RAP1GAP2: variants seen among roughly 807,000 people sequenced by gnomAD.
RAP1GAP2 encodes the protein RAP1 GTPase activating protein 2, also known as rap1 GTPase-activating protein 2.
In RAP1GAP2, 27 loss-of-function variants were observed where a neutral mutation model predicts 95.0. That is an observed-to-expected ratio of 0.28 (90% CI 0.21 to 0.39). RAP1GAP2 has a LOEUF of 0.39. Among genes scored for constraint, RAP1GAP2 ranks in the 10% least tolerant of loss-of-function variants. The probability of loss-of-function intolerance (pLI) is 1.00; values close to 1 mark genes in which losing one functional copy is unlikely to be tolerated. For synonymous variants in RAP1GAP2, 373 were observed against 380.9 expected, an observed-to-expected ratio of 0.98 and a Z score of 0.24; for missense variants, 771 against 970.0, an observed-to-expected ratio of 0.79 and a Z score of 2.72.
intron 3 of RAP1GAP2, among the ~76,000 whole-genome samples, chr17:2,931,774 A>T (rs1165534796): frequency 6.6e-6 from 1 of 152,236 alleles, no homozygotes; most frequent in Non-Finnish European, 1.5e-5. Flanking sequence ...CTTGCAGGTC[A>T]GCCTGAAATG....
chr17:2,778,688 A>G (rs1014397136), intron 1 of RAP1GAP2, among the ~76,000 whole-genome samples: 3 of 152,186 alleles, frequency 2.0e-5, no homozygotes, highest in Non-Finnish European at 4.4e-5. Flanking sequence ...CGTAAGTCCC[A>G]GCTCCATCAC....
intron 2 of RAP1GAP2, among the ~76,000 whole-genome samples, chr17:2,876,950 G>A (rs1473011259): frequency 2.0e-5 from 3 of 149,408 alleles, no homozygotes; most frequent in Non-Finnish European, 4.4e-5. Context: ...GTGCAGTGGC[G>A]TGATCTTGGC....
At chr17:3,023,304 C>T (rs1487537715) in intron 19 of RAP1GAP2, among the ~76,000 whole-genome samples, 1 of 152,214 alleles carries the variant, frequency 6.6e-6, no homozygotes, top group Non-Finnish European at 1.5e-5. Flanking sequence ...TTTATTTCAG[C>T]AGCCAGCATT....
rs1241709326 is a variant in RAP1GAP2 at position 2,998,329 on chromosome 17, A to G, written c.1153A>G (p.Ile385Val). Residue 385 changes from isoleucine (I) to valine (V), a missense_variant, in exon 14 of 25, where the codon ATC becomes GTC. Coordinates refer to ENST00000254695, the MANE Select transcript of RAP1GAP2 (RefSeq NM_015085.5). ...MIASNFLHAYIVVQVETPGTE... is the reference protein window; with the variant it reads ...MIASNFLHAYVVVQVETPGTE... Reference sequence around the variant, plus strand: ...AGCCTCCAATTTCTTACATGCCTACATCGTCGTGCAGGTCGAGACCCCAGG... The same window carrying G: ...AGCCTCCAATTTCTTACATGCCTACGTCGTCGTGCAGGTCGAGACCCCAGG... 11 of 1,613,932 alleles carry G rather than the reference A, an allele frequency of 6.8e-6. No individual in the cohort carries two copies. The highest frequency in any genetic ancestry group is 1.3e-5 in the African/African-American group (1 of 74,936).
chr17:2,808,037 G>A (rs2069596100), intron 2 of RAP1GAP2, among the ~76,000 whole-genome samples: 2 of 152,166 alleles, frequency 1.3e-5, no homozygotes, highest in Admixed American at 6.5e-5. Context: ...GGTAACCTGG[G>A]GATCCAACCT....
At chr17:2,759,643 G>A (rs2071208448) in intron 1 of RAP1GAP2, among the ~76,000 whole-genome samples, 1 of 152,040 alleles carries the variant, frequency 6.6e-6, no homozygotes, top group South Asian at 2.1e-4. Context: ...TAGAGATGGG[G>A]TTTCACCATG....
chr17:2,929,427 A>G (rs2043070632), intron 3 of RAP1GAP2, among the ~76,000 whole-genome samples: 1 of 152,046 alleles, frequency 6.6e-6, no homozygotes, highest in Non-Finnish European at 1.5e-5. Flanking sequence ...ATTAAGAGGA[A>G]GGGGCGCTCC....
chr17:2,943,688 C>G (rs867922587), intron 3 of RAP1GAP2, among the ~76,000 whole-genome samples: 5,285 of 147,068 alleles, frequency 0.036, 296 homozygotes, highest in African/African-American at 0.12. Context: ...CAAAAAAAAA[C>G]AAACAAAAAC....
At chr17:2,824,759 A>G (rs888825832) in intron 2 of RAP1GAP2, among the ~76,000 whole-genome samples, 11 of 151,716 alleles carry the variant, frequency 7.3e-5, no homozygotes, top group African/African-American at 2.4e-4. Context: ...AAAAAAAAAA[A>G]AAAAGAAATA....
In RAP1GAP2 at chr17:2,857,641, A is replaced by G. The variant is rs549547731; in HGVS notation, c.81-47643A>G. On this transcript the variant is annotated intron_variant, in intron 2 of 24. Transcript: ENST00000254695. The surrounding 1 kb of genome is among the most constrained non-coding windows in gnomAD (Gnocchi z 4.0). ...GGGATTGGGTTTGAGTATGGCTCCC[A>G]GGAGACACCTGGATGAAGCCTTCCT... Among the ~76,000 whole-genome samples, 1 of 152,296 alleles carries G rather than the reference A, an allele frequency of 6.6e-6. No homozygotes were observed. The highest frequency in any genetic ancestry group is 1.9e-4 in the East Asian group (1 of 5,184).
chr17:2,955,029 GA>G (rs2044060693), intron 3 of RAP1GAP2, among the ~76,000 whole-genome samples: 1 of 152,188 alleles, frequency 6.6e-6, no homozygotes, highest in South Asian at 2.1e-4. Context: ...TTCGTCAGTT[GA>G]TGGACATTTG....
chr17:2,926,297 G>A (rs535486461), intron 3 of RAP1GAP2, among the ~76,000 whole-genome samples: 5 of 152,262 alleles, frequency 3.3e-5, no homozygotes, highest in Admixed American at 6.5e-5. Flanking sequence ...CAGCGCCCAC[G>A]TCCTCTTCAC....
At chr17:2,939,337 G>A (rs957493617) in intron 3 of RAP1GAP2, among the ~76,000 whole-genome samples, 2 of 152,210 alleles carry the variant, frequency 1.3e-5, no homozygotes, top group African/African-American at 2.4e-5. Flanking sequence ...TGATCCACCC[G>A]CCTCGGCCTC....
chr17:2,911,462 G>T (rs1049055861), intron 3 of RAP1GAP2, among the ~76,000 whole-genome samples: 2 of 151,724 alleles, frequency 1.3e-5, no homozygotes, highest in Non-Finnish European at 2.9e-5. Context: ...TGATTTTCAT[G>T]CCCCAATGGA....
chr17:2,904,155 G>A lies in RAP1GAP2; in HGVS notation c.81-1129G>A, dbSNP rs1223712722. On this transcript the variant is annotated intron_variant, in intron 2 of 24. Coordinates refer to ENST00000254695, the MANE Select transcript of RAP1GAP2 (RefSeq NM_015085.5). The surrounding 1 kb of genome is among the most constrained non-coding windows in gnomAD (Gnocchi z 4.7). ...CCCGGCCCTCTTCGGCTTTTAATAC[G>A]GTTCTCCCAGCCCCCTCGTCCCCTC... Among the ~76,000 whole-genome samples, 2 of 152,098 alleles carry A rather than the reference G, an allele frequency of 1.3e-5. No individual in the cohort carries two copies. Among genetic ancestry groups the A allele is most frequent in the Non-Finnish European group, 2.9e-5 (2 of 68,014 alleles).
intron 4 of RAP1GAP2, among the ~76,000 whole-genome samples, chr17:2,960,131 A>AAAAAC (rs1203787635): frequency 3.9e-4 from 59 of 151,440 alleles, no homozygotes; most frequent in Middle Eastern, 3.4e-3. Flanking sequence ...CTCAAAAAAA[A>AAAAAC]AAAAAAAAAA....
intron 2 of RAP1GAP2, among the ~76,000 whole-genome samples, chr17:2,838,443 C>A (rs556082725): frequency 6.6e-6 from 1 of 152,200 alleles, no homozygotes; most frequent in South Asian, 2.1e-4. Flanking sequence ...TCTTCTGCTC[C>A]AGGGTGAGCA....
intron 3 of RAP1GAP2, among the ~76,000 whole-genome samples, chr17:2,956,074 C>T (rs1174761919): frequency 6.6e-6 from 1 of 152,148 alleles, no homozygotes; most frequent in African/African-American, 2.4e-5. Context: ...TCTTTCTATC[C>T]GTATTGATTG....
rs1345203038 is a variant in RAP1GAP2 at position 2,963,485 on chromosome 17, C to T, written c.279+23C>T. ...GAGGTAGGTGCCCTCCCCTCACTCC[C>T]ACCTGCCCTGCAGCCTGCTCTGGGT... On this transcript the variant is annotated intron_variant, in intron 6 of 24. Coordinates refer to ENST00000254695, the MANE Select transcript of RAP1GAP2 (RefSeq NM_015085.5). The surrounding 1 kb of genome is among the most constrained non-coding windows in gnomAD (Gnocchi z 4.8). The T allele has an allele frequency of 6.2e-7, 1 of 1,613,640 alleles. No individual in the cohort carries two copies. Among genetic ancestry groups the T allele is most frequent in the Admixed American group, 1.7e-5 (1 of 60,022 alleles).
Sources: gnomAD v4.1 joint callset for allele counts (sites outside exome capture counted in the v4.1 genomes callset) on GRCh38, gnomAD v4.1.1 for gene constraint, Gnocchi (gnomAD v3.1) non-coding constraint, MANE v1.5 for transcripts, NCBI Gene and HGNC (gene_info 2026-07-23, HGNC 2026-07-21) for gene names.